The following KLHL32 variants were observed in gnomAD, a reference collection of about 807,000 sequenced individuals.
KLHL32 encodes the protein kelch like family member 32, also known as kelch-like protein 32.
KLHL32 carries 35 observed loss-of-function variants against 64.8 expected under a neutral mutation model. The ratio of observed to expected loss-of-function variants is 0.54; its 90% CI spans 0.41 to 0.72. The LOEUF (loss-of-function observed/expected upper bound fraction) is 0.72. KLHL32 is among the 30% of genes least tolerant of loss of function. KLHL32 has a pLI of 0.00. For missense variants in KLHL32, 589 were observed against 768.5 expected, an observed-to-expected ratio of 0.77 and a Z score of 2.76; for synonymous variants, 259 against 281.0, an observed-to-expected ratio of 0.92 and a Z score of 0.78.
At chr6:96,947,888 G>A (rs912709261) in intron 1 of KLHL32, among the ~76,000 whole-genome samples, 1 of 152,064 alleles carries the variant, frequency 6.6e-6, no homozygotes, top group African/African-American at 2.4e-5. Context: ...TACAAAGTTT[G>A]CACCCTTATC....
At chr6:96,930,851 GTTTCCTC>G (rs1769787197) in intron 1 of KLHL32, among the ~76,000 whole-genome samples, 1 of 152,112 alleles carries the variant, frequency 6.6e-6, no homozygotes, top group African/African-American at 2.4e-5. Flanking sequence ...GGGTCAGTCA[GTTTCCTC>G]CTACCCAGGC....
chr6:96,933,659 G>GTGGAATAGCACCCACCAGTATCTCAGC (rs1770214952), intron 1 of KLHL32, among the ~76,000 whole-genome samples: 1 of 152,178 alleles, frequency 6.6e-6, no homozygotes, highest in Non-Finnish European at 1.5e-5. Flanking sequence ...TTTCTATGTG[G>GTGGAATAGCACCCACCAGTATCTCAGC]TGGAATAGCA....
intron 1 of KLHL32, among the ~76,000 whole-genome samples, chr6:96,940,638 C>A (rs1408950630): frequency 6.6e-6 from 1 of 152,182 alleles, no homozygotes; most frequent in African/African-American, 2.4e-5. Flanking sequence ...TAAGCAGCCC[C>A]AAGAAGGCAG....
Position 97,062,845 on chromosome 6 carries a change from G to A in KLHL32, c.313-1783G>A, listed in dbSNP as rs113149350. ...ATGGTGAAGAATAAAACAAAGTTAG[G>A]AGCTAGGGAATGATGGCTGTTCAGG... On this transcript the variant is annotated intron_variant, in intron 4 of 10. Coordinates refer to ENST00000369261, the MANE Select transcript of KLHL32 (RefSeq NM_052904.4). Among the ~76,000 whole-genome samples, 1,384 of 152,282 alleles carry A rather than the reference G, an allele frequency of 9.1e-3. 22 individuals carry two copies. The highest frequency in any genetic ancestry group is 0.03 in the African/African-American group (1,266 of 41,566).
rs116983239 is a variant in KLHL32 at position 96,977,773 on chromosome 6, T to C, written c.204+1596T>C. On this transcript the variant is annotated intron_variant, in intron 3 of 10. Transcript: ENST00000369261. ...GCCAAAGCATAGAAGACAGCCTTTT[T>C]TAAAAAGCGTATTAAATGTGATGAA... 6.0e-4 allele frequency among the ~76,000 whole-genome samples: 91 copies of C among 152,326 alleles called. 1 individual carries two copies. In the East Asian group the frequency reaches 0.017, roughly 29 times the overall value.
chr6:96,938,117 T>C (rs1383182314), intron 1 of KLHL32, among the ~76,000 whole-genome samples: 2 of 152,102 alleles, frequency 1.3e-5, no homozygotes, highest in East Asian at 1.9e-4. Context: ...CCCCTAGGAG[T>C]TGACTATTTG....
chr6:96,949,861 G>T (rs1772359827), intron 1 of KLHL32, among the ~76,000 whole-genome samples: 1 of 151,884 alleles, frequency 6.6e-6, no homozygotes, highest in South Asian at 2.1e-4. Context: ...CTAATAACTG[G>T]AATTAAATTT....
intron 1 of KLHL32, among the ~76,000 whole-genome samples, chr6:96,927,912 C>G (rs570965754): frequency 3.9e-5 from 6 of 152,338 alleles, no homozygotes; most frequent in Middle Eastern, 3.4e-3. Context: ...ACTTCCATAT[C>G]GGCTTCACAA....
At chr6:97,015,064 C>T (rs1336838679) in intron 3 of KLHL32, among the ~76,000 whole-genome samples, 1 of 152,138 alleles carries the variant, frequency 6.6e-6, no homozygotes, top group Non-Finnish European at 1.5e-5. Context: ...CTTTTTCTCT[C>T]CCCTGCTGCC....
Position 97,085,336 on chromosome 6 carries a change from T to C in KLHL32, c.622T>C (p.Trp208Arg), listed in dbSNP as rs1424485162. 3 of 1,612,510 alleles carry C rather than the reference T, an allele frequency of 1.9e-6. No homozygotes were observed. The South Asian group carries it at 3.3e-5, about 18-fold the overall frequency. Residue 208 changes from tryptophan (W) to arginine (R), a missense_variant, in exon 6 of 11, where the codon TGG becomes CGG. Trp to Arg is a moderately radical substitution (Grantham distance 101). This residue lies in a region of KLHL32 where 226 missense variants were observed against 353.2 expected (regional missense o/e 0.64). Coordinates refer to ENST00000369261, the MANE Select transcript of KLHL32 (RefSeq NM_052904.4). ...GACCTCCCTGAGTGAAGAGCAGATCTGGCAGGTAAGGGCGCTGTGCACGGT... is the reference window on the plus strand; with the variant it reads ...GACCTCCCTGAGTGAAGAGCAGATCCGGCAGGTAAGGGCGCTGTGCACGGT... Reference protein sequence around the residue: ...RLTSLSEEQIWQLAVRWLEHN... With the variant: ...RLTSLSEEQIRQLAVRWLEHN...
chr6:97,058,216 C>T (rs1043891560), intron 4 of KLHL32, among the ~76,000 whole-genome samples: 1 of 152,050 alleles, frequency 6.6e-6, no homozygotes, highest in African/African-American at 2.4e-5. Flanking sequence ...ATCGTGTTGG[C>T]TATTTTGGGT....
the KLHL32 span, among the ~76,000 whole-genome samples, chr6:96,901,241 A>G: frequency 2.6e-5 from 4 of 152,264 alleles, no homozygotes; most frequent in East Asian, 5.8e-4. Flanking sequence ...ACAATTTATT[A>G]TCTTACAGTT....
intron 5 of KLHL32, among the ~76,000 whole-genome samples, chr6:97,073,662 A>G (rs1322035881): frequency 6.6e-6 from 1 of 152,032 alleles, no homozygotes; most frequent in Non-Finnish European, 1.5e-5. Context: ...TATGATAGAA[A>G]CTTTGATTAT....
chr6:97,065,028 T>C (rs762440224), intron 5 of KLHL32, among the ~76,000 whole-genome samples: 1 of 151,884 alleles, frequency 6.6e-6, no homozygotes, highest in Non-Finnish European at 1.5e-5. Context: ...CCGGGGGAGG[T>C]GTCGCTAAAA....
At chr6:96,998,269 A>G (rs1778631351) in intron 3 of KLHL32, among the ~76,000 whole-genome samples, 2 of 152,208 alleles carry the variant, frequency 1.3e-5, no homozygotes, top group African/African-American at 4.8e-5. Flanking sequence ...TCCACGCCAC[A>G]GCTTTCTTCT....
chr6:96,926,907 G>A (rs932592790), intron 1 of KLHL32, among the ~76,000 whole-genome samples: 1 of 152,194 alleles, frequency 6.6e-6, no homozygotes, highest in Non-Finnish European at 1.5e-5. Flanking sequence ...TGGCCTGCTA[G>A]TTAGCAACCC....
intron 7 of KLHL32, among the ~76,000 whole-genome samples, chr6:97,116,588 T>C (rs77192473): frequency 0.026 from 4,000 of 152,304 alleles, 159 homozygotes; most frequent in African/African-American, 0.092. Flanking sequence ...TTTTAATAAA[T>C]ATTCCTTGTG....
At chr6:96,969,415 T>C (rs1774869157) in intron 2 of KLHL32, among the ~76,000 whole-genome samples, 1 of 152,198 alleles carries the variant, frequency 6.6e-6, no homozygotes, top group Non-Finnish European at 1.5e-5. Flanking sequence ...TCATTTTCCT[T>C]CTTAAGCAGT....
rs547129433 is a variant in KLHL32, at chr6:97,016,094, G to T, written c.205-25398G>T. On this transcript the variant is annotated intron_variant, in intron 3 of 10. Transcript: ENST00000369261. ...GCTGCAGGGTTGGAGCCCTCATGGA[G>T]AACCTCTGCTAGGGCAATGCAGAAG... Among the ~76,000 whole-genome samples, 5 of 152,360 alleles carry T rather than the reference G, an allele frequency of 3.3e-5. No homozygotes were observed. The East Asian group carries it at 9.6e-4, about 29-fold the overall frequency.
Sources: allele counts gnomAD v4.1 joint callset (sites outside exome capture counted in the v4.1 genomes callset), GRCh38; gene constraint gnomAD v4.1.1; regional missense constraint gnomAD v4.1.1; transcripts MANE v1.5; gene names NCBI Gene and HGNC (gene_info 2026-07-23, HGNC 2026-07-21).